Variants in THBS2 observed in about 807,000 individuals in gnomAD.
THBS2 encodes thrombospondin-2.
In THBS2, 47 loss-of-function variants were observed where a neutral mutation model predicts 135.2. The observed-to-expected ratio is 0.35, with a 90% CI of 0.28 to 0.44. THBS2 has a LOEUF of 0.44. Ranked by LOEUF, THBS2 falls within the 20% of genes least tolerant of loss-of-function variation. The pLI, the probability that THBS2 is intolerant of heterozygous loss-of-function variation, is 1.00. For missense variants in THBS2, 1,288 were observed against 1,603.1 expected (o/e 0.80, Z 3.36); for synonymous variants, 639 against 633.8 (o/e 1.01, Z -0.12).
rs779553534 is a variant in THBS2, at chr6:169,252,777, G to A, written c.-23+947C>T. Among the ~76,000 whole-genome samples, 7 of 152,208 alleles carry A rather than the reference G, an allele frequency of 4.6e-5. No individual in the cohort carries two copies. The highest frequency in any genetic ancestry group is 1.0e-4 in the Non-Finnish European group (7 of 68,034). ...CTGCACGCCACACATCCACGTTTAT[G>A]CTTGTGTTTTTCCAAAAGAAAGATT... On this transcript the variant is annotated intron_variant, in intron 1 of 21. Transcript: ENST00000617924. The surrounding 1 kb of genome is among the most constrained non-coding windows in gnomAD (Gnocchi z 4.3).
intron 17 of THBS2, among the ~76,000 whole-genome samples, chr6:169,224,619 C>G (rs749040089): frequency 1.3e-5 from 2 of 152,230 alleles, no homozygotes; most frequent in Non-Finnish European, 2.9e-5. Context: ...TTGTTTATTA[C>G]TCAGGGACGC....
At chr6:169,222,916 C>A (rs553927067) in intron 18 of THBS2, among the ~76,000 whole-genome samples, 9 of 152,162 alleles carry the variant, frequency 5.9e-5, no homozygotes, top group African/African-American at 2.2e-4. Flanking sequence ...CTCATCATCC[C>A]GATGGGCTCT....
chr6:169,234,685 C>T (rs746340404), intron 10 of THBS2, 49 bp downstream of exon 10: 2 of 1,429,024 alleles, frequency 1.4e-6, no homozygotes, highest in Admixed American at 2.7e-5. Flanking sequence ...TGCTTTTCAT[C>T]AGAATGGAAG....
chr6:169,234,696 C>T, intron 10 of THBS2, 38 bp downstream of exon 10: 1 of 1,457,656 alleles, frequency 6.9e-7, no homozygotes, highest in Non-Finnish European at 9.1e-7. Context: ...AGAATGGAAG[C>T]CCGGGTTTCA....
At chr6:169,221,660 C>CTGA (rs1160477047) in intron 19 of THBS2, 133 bp from the exon 20 acceptor site, 2 of 732,736 alleles carry the variant, frequency 2.7e-6, no homozygotes, top group Non-Finnish European at 4.7e-6. Flanking sequence ...CCATATCTCT[C>CTGA]TGATGTGTTT....
rs1179816058 is a variant in THBS2 at position 169,225,353 on chromosome 6, C to T, written c.2565G>A (p.Gly855=). 1 of 1,558,830 alleles carries T rather than the reference C, an allele frequency of 6.4e-7. No individual in the cohort carries two copies. The highest frequency in any genetic ancestry group is 2.4e-5 in the East Asian group (1 of 41,454). The part of the protein sequence containing the change: ...DQTDVDNDLV[G]DQCDNNEDID... ...TGTCCTCGTTGTTGTCACACTGGTC[C>T]CCAACAAGGTCATTGTCCACGTCGG... is the stretch of plus-strand genomic sequence containing the variant. Residue 855 remains glycine (G), a synonymous_variant, in exon 17 of 22, where the codon GGG becomes GGA. Transcript: ENST00000617924.
Position 169,241,782 on chromosome 6 carries a change from T to A in THBS2, c.871A>T (p.Ser291Cys). ...CCCACCACTCTCTTGAGGTTCTCGC[T>A]GAGCTGGTTCACGAGGACGTGGAGC... is the stretch of plus-strand genomic sequence containing the variant. Reference protein sequence around the residue: ...SGLHVLVNQLSENLKRVSNDN... With the variant: ...SGLHVLVNQLCENLKRVSNDN... Residue 291 changes from serine (S) to cysteine (C), a missense_variant, in exon 5 of 22, where the codon AGC (serine) becomes TGC (cysteine). Physicochemically the swap from Ser to Cys is moderately radical, Grantham distance 112. Coordinates refer to ENST00000617924, the MANE Select transcript of THBS2 (RefSeq NM_003247.5). This position sits in a 1 kb window ranked among gnomAD's most constrained non-coding sequence, Gnocchi z 5.5. 1 of 1,610,692 alleles carries A rather than the reference T, an allele frequency of 6.2e-7. No homozygotes were observed. The highest frequency in any genetic ancestry group is 8.5e-7 in the Non-Finnish European group (1 of 1,178,320).
chr6:169,250,451 C>G (rs1780714074), intron 2 of THBS2, among the ~76,000 whole-genome samples: 1 of 152,290 alleles, frequency 6.6e-6, no homozygotes, highest in Middle Eastern at 3.4e-3. Context: ...ATTCAACAAA[C>G]ACCAAATACT....
rs1779377320 is a variant in THBS2, at chr6:169,220,335, A to G, written c.3374T>C (p.Val1125Ala). The change falls in exon 21 of 22, where the codon GTC becomes GCC. Residue 1125 changes from valine to alanine, a missense_variant and splice_region_variant. By Grantham distance (64) the Val-to-Ala change is moderately conservative. Coordinates refer to ENST00000617924, the MANE Select transcript of THBS2 (RefSeq NM_003247.5). ...GACCTGTTTTCCTTCATGCACTAAG[A>G]CTCTAAAAATGGTGTTTAAAAAGAA... is the stretch of plus-strand genomic sequence containing the variant. ...THRPKTGYIR[V>A]LVHEGKQVMA... 17 of 1,605,618 alleles carry G rather than the reference A, an allele frequency of 1.1e-5. No individual in the cohort carries two copies. The highest frequency in any genetic ancestry group is 1.4e-5 in the Non-Finnish European group (16 of 1,176,494).
At chr6:169,222,977 C>A (rs61498032) in intron 18 of THBS2, among the ~76,000 whole-genome samples, 4,525 of 152,160 alleles carry the variant, frequency 0.03, 177 homozygotes, top group East Asian at 0.088. Context: ...ATCCAACTTA[C>A]AAGAGTTCTG....
At chr6:169,243,491 T>C (rs1454722140) in intron 4 of THBS2, among the ~76,000 whole-genome samples, 1 of 152,188 alleles carries the variant, frequency 6.6e-6, no homozygotes, top group African/African-American at 2.4e-5. Context: ...GACTTAGACA[T>C]TTTACAGCGC....
At chr6:169,220,083 A>C in intron 21 of THBS2, 115 bp downstream of exon 21, 1 of 1,322,766 alleles carries the variant, frequency 7.6e-7, no homozygotes, top group Non-Finnish European at 1.0e-6. Context: ...GGTATTGTGC[A>C]TTAGGTTTAT....
chr6:169,242,674 A>C (rs1381340583), intron 4 of THBS2, among the ~76,000 whole-genome samples: 1 of 16,842 alleles, frequency 5.9e-5, no homozygotes, highest in Non-Finnish European at 1.1e-4. Context: ...CACCACTCCC[A>C]CCTTCCCACC....
intron 7 of THBS2, 82 bp from the exon 8 acceptor site, chr6:169,237,877 C>G (rs78648166): frequency 6.9e-7 from 1 of 1,457,660 alleles, no homozygotes; most frequent in Non-Finnish European, 9.1e-7. Context: ...GGGCAGCTGG[C>G]GTGGGGCCAC....
chr6:169,247,361 G>C (rs146908153), intron 3 of THBS2, among the ~76,000 whole-genome samples: 1 of 152,028 alleles, frequency 6.6e-6, no homozygotes, highest in East Asian at 2.0e-4. Flanking sequence ...ACGTGTGCCT[G>C]TTTGTATACA....
intron 9 of THBS2, among the ~76,000 whole-genome samples, chr6:169,236,922 C>T (rs1022893184): frequency 6.6e-6 from 1 of 152,258 alleles, no homozygotes; most frequent in Non-Finnish European, 1.5e-5. Context: ...TACAGTCTGT[C>T]CTGAACTGGA....
chr6:169,249,108 T>C, intron 2 of THBS2, 135 bp from the exon 3 acceptor site: 3 of 847,888 alleles, frequency 3.5e-6, no homozygotes, highest in African/African-American at 1.7e-5. Flanking sequence ...CTTCTCTCCC[T>C]TTTTTATGGG....
chr6:169,244,545 T>C (rs1780480102), intron 4 of THBS2, among the ~76,000 whole-genome samples: 3 of 151,134 alleles, frequency 2.0e-5, no homozygotes, highest in African/African-American at 7.3e-5. Context: ...TATTTGCATA[T>C]ATGTTTTGTT....
Position 169,248,709 on chromosome 6 carries a change from G to A in THBS2, c.317C>T (p.Pro106Leu), listed in dbSNP as rs775654215. Residue 106 changes from proline (P) to leucine (L), a missense_variant, in exon 3 of 22, where the codon CCC (proline) becomes CTC (leucine). Around this residue, in one of 2 missense-constraint regions of THBS2, gnomAD observed 414 missense variants for 447.0 expected, o/e 0.93. Transcript: ENST00000617924. ...CTCGAACTGCCTCTGGGAGAGACCG[G>A]GGCCCTCCAGAGCCAACAGCGTGCC... ...SRGTLLALEG[P>L]GLSQRQFEIV... The A allele has an allele frequency of 6.2e-7, 1 of 1,613,790 alleles. No individual in the cohort carries two copies. Among genetic ancestry groups the A allele is most frequent in the Non-Finnish European group, 8.5e-7 (1 of 1,179,916 alleles).
Sources: allele counts gnomAD v4.1 joint callset (sites outside exome capture counted in the v4.1 genomes callset), GRCh38; gene constraint gnomAD v4.1.1; regional missense constraint gnomAD v4.1.1; non-coding constraint Gnocchi (gnomAD v3.1); transcripts MANE v1.5; gene names NCBI Gene and HGNC (gene_info 2026-07-23, HGNC 2026-07-21).